COL4A6: variants seen among roughly 807,000 people sequenced by gnomAD.
The protein encoded by COL4A6 is collagen type IV alpha 6 chain, also known as collagen alpha-6(IV) chain.
A neutral mutation model predicts 126.7 loss-of-function variants in COL4A6; 59 were observed. The ratio of observed to expected loss-of-function variants is 0.47; its 90% CI spans 0.38 to 0.58. COL4A6 has a LOEUF of 0.58. Among genes scored for constraint, COL4A6 ranks in the 20% least tolerant of loss-of-function variants. The pLI is 0.00. For missense variants in COL4A6, 1,285 were observed against 1,337.3 expected, an observed-to-expected ratio of 0.96 and a Z score of 0.61; for synonymous variants, 547 against 496.6, an observed-to-expected ratio of 1.10 and a Z score of -1.35.
At chrX:108,178,974 C>T (rs1370906689) in intron 26 of COL4A6, 129 bp from the exon 27 acceptor site, 4 of 814,389 alleles carry the variant, frequency 4.9e-6, no homozygotes, top group South Asian at 2.8e-5. Context: ...TATTCCCAGC[C>T]GTAACCCAGT....
At chrX:108,160,860 G>C (rs1228513476) in intron 42 of COL4A6, among the ~76,000 whole-genome samples, 2 of 112,265 alleles carry the variant, frequency 1.8e-5, no homozygotes, top group Non-Finnish European at 3.8e-5. Context: ...GTAAGTGGTA[G>C]AGCTACAACT....
chrX:108,373,904 G>A, intron 2 of COL4A6, among the ~76,000 whole-genome samples: 1 of 112,303 alleles, frequency 8.9e-6, no homozygotes. Context: ...AAGATGCTTA[G>A]TAAACATTGG....
chrX:108,274,986 C>A (rs1022692029), intron 3 of COL4A6, among the ~76,000 whole-genome samples: 1 of 110,849 alleles, frequency 9.0e-6, no homozygotes, highest in Admixed American at 9.6e-5. Context: ...GTCATATAGG[C>A]GGGGGTGGGA....
At chrX:108,306,438 G>C (rs2038628214) in intron 3 of COL4A6, among the ~76,000 whole-genome samples, 2 of 111,410 alleles carry the variant, frequency 1.8e-5, no homozygotes, top group African/African-American at 6.5e-5. Context: ...TGTTGTAGTG[G>C]GTAGTCAGGA....
intron 2 of COL4A6, among the ~76,000 whole-genome samples, chrX:108,376,805 C>A (rs1203861462): frequency 8.9e-6 from 1 of 112,521 alleles, no homozygotes; most frequent in Non-Finnish European, 1.9e-5. Flanking sequence ...TCACTTAATA[C>A]TTTTCTTACA....
At chrX:108,394,393 C>G (rs1486477847) in intron 2 of COL4A6, among the ~76,000 whole-genome samples, 3 of 109,836 alleles carry the variant, frequency 2.7e-5, no homozygotes, top group African/African-American at 1.0e-4. Flanking sequence ...CCTGCACATT[C>G]TGCACATGTA....
At chrX:108,360,650 C>T (rs1367301172) in intron 2 of COL4A6, among the ~76,000 whole-genome samples, 1 of 108,982 alleles carries the variant, frequency 9.2e-6, no homozygotes, top group Non-Finnish European at 1.9e-5. Context: ...CATTCTCCTG[C>T]CTCAGCCTCC....
chrX:108,201,265 T>C (rs1398265338), intron 13 of COL4A6, among the ~76,000 whole-genome samples: 1 of 111,942 alleles, frequency 8.9e-6, no homozygotes, highest in African/African-American at 3.2e-5. Flanking sequence ...CCTAGTCATC[T>C]TTGATTCATC....
At chrX:108,340,870 A>C (rs2039547850) in intron 2 of COL4A6, among the ~76,000 whole-genome samples, 1 of 108,933 alleles carries the variant, frequency 9.2e-6, no homozygotes, top group African/African-American at 3.4e-5. Context: ...GGGCAGGTCA[A>C]ATTTATATAT....
rs754286259 is a variant in COL4A6, at chrX:108,210,244, A to T, written c.511-240T>A. Among the ~76,000 whole-genome samples the T allele has an allele frequency of 3.3e-4, 37 of 112,254 alleles. 1 individual carries two copies. The highest frequency in any genetic ancestry group is 4.6e-3 in the Middle Eastern group (1 of 218). On this transcript the variant is annotated intron_variant, in intron 7 of 44. Coordinates refer to ENST00000334504, the MANE Select transcript of COL4A6 (RefSeq NM_033641.4). ...CATATTATAGCCTTGGCTGAACAGG[A>T]TTTCACATTTTACTTGGATTAATTA...
intron 2 of COL4A6, among the ~76,000 whole-genome samples, chrX:108,323,685 T>A (rs2039082547): frequency 8.9e-6 from 1 of 112,138 alleles, no homozygotes; most frequent in South Asian, 3.7e-4. Context: ...GTAAAAACTT[T>A]ACTGAGATAG....
intron 2 of COL4A6, among the ~76,000 whole-genome samples, chrX:108,382,962 A>AAATAATAAT (rs4035941): frequency 0.27 from 23,436 of 88,077 alleles, 2,960 homozygotes; most frequent in Middle Eastern, 0.35. Flanking sequence ...CCCCCGCCAA[A>AAATAATAAT]AATAATAATA....
chrX:108,351,919 T>C (rs767466157), intron 2 of COL4A6, among the ~76,000 whole-genome samples: 1 of 112,109 alleles, frequency 8.9e-6, no homozygotes, highest in African/African-American at 3.2e-5. Flanking sequence ...TGCATGAGGC[T>C]TGTAATCAGA....
chrX:108,433,223 G>C (rs891469010), intron 2 of COL4A6, among the ~76,000 whole-genome samples: 3 of 112,003 alleles, frequency 2.7e-5, no homozygotes, highest in Admixed American at 1.9e-4. Context: ...CTAGGAAAGG[G>C]ATAGATTAAA....
At chrX:108,363,427 C>A (rs993845170) in intron 2 of COL4A6, among the ~76,000 whole-genome samples, 9 of 111,660 alleles carry the variant, frequency 8.1e-5, no homozygotes, top group African/African-American at 2.3e-4. Context: ...TGGTTTCATA[C>A]AAGATTCCTC....
In COL4A6 at chrX:108,400,578, T is replaced by C. The variant is rs1241881505; in HGVS notation, c.63+37364A>G. Among the ~76,000 whole-genome samples the C allele has an allele frequency of 1.8e-4, 20 of 111,488 alleles. No homozygotes were observed. The Admixed American group carries it at 1.9e-3, about 11-fold the overall frequency. On this transcript the variant is annotated intron_variant, in intron 2 of 44. Coordinates refer to ENST00000334504, the MANE Select transcript of COL4A6 (RefSeq NM_033641.4). ...CCAGAGAAAAATGCCTTTTGCAATT[T>C]ACAATCTGGTTTCAGAAAATCTCTT... is the stretch of plus-strand genomic sequence containing the variant.
At chrX:108,386,478 G>A (rs372307721) in intron 2 of COL4A6, among the ~76,000 whole-genome samples, 1 of 112,367 alleles carries the variant, frequency 8.9e-6, no homozygotes, top group Admixed American at 9.4e-5. Flanking sequence ...CAGTGATGAT[G>A]AGCAATTTTT....
At chrX:108,292,993 C>CAAAAAAAAAAAAAAA (rs149076547) in intron 3 of COL4A6, among the ~76,000 whole-genome samples, 1 of 14,555 alleles carries the variant, frequency 6.9e-5, no homozygotes. Context: ...AGGAAAAAAG[C>CAAAAAAAAAAAAAAA]AAAAAAAAAA....
chrX:108,238,007 T>A (rs189061919), intron 3 of COL4A6, among the ~76,000 whole-genome samples: 1 of 109,403 alleles, frequency 9.1e-6, no homozygotes, highest in African/African-American at 3.3e-5. Flanking sequence ...TGTCTCTATC[T>A]ATCTGTCATC....
Sources: allele counts gnomAD v4.1 joint callset (sites outside exome capture counted in the v4.1 genomes callset), GRCh38; gene constraint gnomAD v4.1.1; transcripts MANE v1.5; gene names NCBI Gene and HGNC (gene_info 2026-07-23, HGNC 2026-07-21).